Variants in DDX10 observed in about 807,000 individuals in gnomAD.
DDX10 encodes probable ATP-dependent RNA helicase DDX10.
DDX10 carries 74 observed loss-of-function variants against 104.3 expected under a neutral mutation model. That is an observed-to-expected ratio of 0.71 (90% CI 0.59 to 0.86). The LOEUF (loss-of-function observed/expected upper bound fraction) is 0.86. Among genes scored for constraint, DDX10 ranks in the 40% least tolerant of loss-of-function variants. The pLI, the probability that DDX10 is intolerant of heterozygous loss-of-function variation, is 0.00. For missense variants in DDX10, 952 were observed against 1,040.0 expected (o/e 0.92, Z 1.16); for synonymous variants, 351 against 353.4 (o/e 0.99, Z 0.08).
intron 16 of DDX10, among the ~76,000 whole-genome samples, chr11:108,911,553 CTTCTTTTTTTTT>C (rs1863679198): frequency 8.5e-6 from 1 of 117,146 alleles, no homozygotes; most frequent in Non-Finnish European, 1.7e-5. Flanking sequence ...TTTGCCTCCT[CTTCTTTTTTTTT>C]TTTTTTTTTT....
intron 16 of DDX10, among the ~76,000 whole-genome samples, chr11:108,912,412 A>G (rs558296293): frequency 1.1e-4 from 16 of 152,194 alleles, no homozygotes; most frequent in African/African-American, 3.9e-4. Flanking sequence ...CTCCACCTTC[A>G]TCTCCACTGC....
intron 13 of DDX10, among the ~76,000 whole-genome samples, chr11:108,727,017 T>A (rs61914011): frequency 0.12 from 18,641 of 152,044 alleles, 1,552 homozygotes; most frequent in East Asian, 0.27. Flanking sequence ...AAATTTAAAT[T>A]CCTTTGAAAA....
rs1252860212 is a variant in DDX10, at chr11:108,801,189, A to G, written c.1966-37257A>G. On this transcript the variant is annotated intron_variant, in intron 13 of 17. Transcript: ENST00000322536. ...TTTCAGTTTTGTCAAGAAAATGCTTAACTGGACTGTGTATTCTAACAATAT... is the reference window on the plus strand; with the variant it reads ...TTTCAGTTTTGTCAAGAAAATGCTTGACTGGACTGTGTATTCTAACAATAT... Among the ~76,000 whole-genome samples the G allele has an allele frequency of 2.6e-5, 4 of 152,232 alleles. No individual in the cohort carries two copies. The East Asian group carries it at 7.7e-4, about 29-fold the overall frequency.
chr11:108,816,037 C>G (rs1013063432), intron 13 of DDX10, among the ~76,000 whole-genome samples: 2 of 152,022 alleles, frequency 1.3e-5, no homozygotes, highest in African/African-American at 2.4e-5. Context: ...CATCTTAACA[C>G]TCCTAGCAAC....
At chr11:108,929,435 A>G (rs984439806) in intron 17 of DDX10, 1 of 152,212 alleles carries the variant, frequency 6.6e-6, no homozygotes, top group African/African-American at 2.4e-5. Context: ...TATTATTTAA[A>G]TATTTACCCT....
At position 108,726,477 on chromosome 11, in the gene DDX10, T is replaced by C. The variant is rs1486474283; in HGVS notation, c.1965+3015T>C. 3.3e-5 allele frequency among the ~76,000 whole-genome samples: 5 copies of C among 152,280 alleles called. No homozygotes were observed. The East Asian group carries it at 9.6e-4, about 29-fold the overall frequency. The stretch of plus-strand genomic sequence containing the variant: ...TTTAATGCTATCATAAATGGTATTT[T>C]TAAAATTTCAATTTCCAATTATTTG... On this transcript the variant is annotated intron_variant, in intron 13 of 17. Transcript: ENST00000322536.
intron 13 of DDX10, among the ~76,000 whole-genome samples, chr11:108,788,948 T>G (rs1861833240): frequency 5.9e-5 from 9 of 152,116 alleles, no homozygotes; most frequent in Admixed American, 5.9e-4. Context: ...ACATTTCCTT[T>G]GTTAGATGTT....
chr11:108,719,925 G>C (rs12284874), intron 12 of DDX10, 40 bp downstream of exon 12: 1 of 1,180,708 alleles, frequency 8.5e-7, no homozygotes, highest in Admixed American at 1.7e-5. Flanking sequence ...GAATCCTCAA[G>C]GTTAGAGGGA....
chr11:108,812,387 C>T (rs1291308349), intron 13 of DDX10, among the ~76,000 whole-genome samples: 5 of 151,858 alleles, frequency 3.3e-5, no homozygotes, highest in Non-Finnish European at 7.4e-5. Context: ...TGACTTTTTT[C>T]GTTCTGAATT....
intron 10 of DDX10, among the ~76,000 whole-genome samples, chr11:108,715,104 T>C (rs1408064729): frequency 6.9e-6 from 1 of 145,344 alleles, no homozygotes; most frequent in Non-Finnish European, 1.5e-5. Context: ...GAGTTAGATA[T>C]CATCTCTGTT....
At chr11:108,838,013 A>G (rs189240459) in intron 13 of DDX10, among the ~76,000 whole-genome samples, 246 of 152,288 alleles carry the variant, frequency 1.6e-3, no homozygotes, top group Non-Finnish European at 3.0e-3. Context: ...GTTGCAAACA[A>G]TGTATGGCAA....
Position 108,928,895 on chromosome 11 carries a change from T to G in DDX10, c.2450+10877T>G, listed in dbSNP as rs190248532. On this transcript the variant is annotated intron_variant, in intron 17 of 17. Transcript: ENST00000322536. ...TAGCTACTTTTCCTTGTTTTCCTCA[T>G]TGAAGTCATTCATTAAGTCCCCAGG... is the stretch of plus-strand genomic sequence containing the variant. 2.0e-3 allele frequency among the ~76,000 whole-genome samples: 312 copies of G among 152,328 alleles called. 1 individual carries two copies. Among genetic ancestry groups the G allele is most frequent in the Non-Finnish European group, 2.8e-3 (188 of 68,026 alleles).
At chr11:108,791,060 G>A (rs1032841537) in intron 13 of DDX10, among the ~76,000 whole-genome samples, 1 of 152,188 alleles carries the variant, frequency 6.6e-6, no homozygotes, top group Admixed American at 6.5e-5. Flanking sequence ...CCCTCTACTA[G>A]AATATGGACA....
At chr11:108,781,400 C>G (rs1433179090) in intron 13 of DDX10, among the ~76,000 whole-genome samples, 1 of 152,066 alleles carries the variant, frequency 6.6e-6, no homozygotes, top group Non-Finnish European at 1.5e-5. Context: ...GTATAATGAT[C>G]TATTTTCCTC....
intron 16 of DDX10, among the ~76,000 whole-genome samples, chr11:108,882,552 T>G (rs1452193505): frequency 6.6e-6 from 1 of 152,186 alleles, no homozygotes; most frequent in Non-Finnish European, 1.5e-5. Flanking sequence ...CATAACAACT[T>G]CATGGTGACA....
At chr11:108,687,018 C>T (rs556686523) in intron 6 of DDX10, among the ~76,000 whole-genome samples, 21 of 152,274 alleles carry the variant, frequency 1.4e-4, no homozygotes, top group Admixed American at 5.2e-4. Flanking sequence ...ATCTCCTGAC[C>T]TCGTGATCTG....
intron 13 of DDX10, among the ~76,000 whole-genome samples, chr11:108,751,992 A>C (rs1026526153): frequency 1.3e-5 from 2 of 152,134 alleles, no homozygotes; most frequent in African/African-American, 4.8e-5. Context: ...TCTCTCCACC[A>C]TATCAGCCAG....
chr11:108,673,383 T>G, intron 1 of DDX10, 84 bp from the exon 2 acceptor site: 63 of 851,342 alleles, frequency 7.4e-5, no homozygotes, highest in Non-Finnish European at 1.1e-4. Flanking sequence ...TTACCAAGGA[T>G]GAGCTGGGCA....
chr11:108,826,033 A>G (rs1414453041), intron 13 of DDX10, among the ~76,000 whole-genome samples: 1 of 113,306 alleles, frequency 8.8e-6, no homozygotes, highest in Non-Finnish European at 2.1e-5. Flanking sequence ...TAATTTCATA[A>G]TAGCTGTGAT....
Sources: allele counts gnomAD v4.1 joint callset (sites outside exome capture counted in the v4.1 genomes callset), GRCh38; gene constraint gnomAD v4.1.1; transcripts MANE v1.5; gene names NCBI Gene and HGNC (gene_info 2026-07-23, HGNC 2026-07-21).